TAFA1: variants seen among roughly 807,000 people sequenced by gnomAD.
TAFA1 encodes chemokine-like protein TAFA-1.
Under a neutral mutation model 18.5 loss-of-function variants are expected in TAFA1, and 4 were observed. That is an observed-to-expected ratio of 0.22 (90% confidence interval 0.11 to 0.49). TAFA1 has a LOEUF of 0.49. Ranked by LOEUF, TAFA1 falls within the 20% of genes least tolerant of loss-of-function variation. The pLI is 0.98. For missense variants in TAFA1, 147 were observed against 169.0 expected (o/e 0.87, Z 0.72); for synonymous variants, 56 against 55.2 (o/e 1.01, Z -0.06).
chr3:68,396,257 G>A (rs751052465), intron 2 of TAFA1, among the ~76,000 whole-genome samples: 6 of 152,026 alleles, frequency 3.9e-5, no homozygotes, highest in Non-Finnish European at 7.4e-5. Context: ...GATATAAACA[G>A]ACAAGTCATG....
chr3:68,135,342 A>C (rs1188550782), intron 2 of TAFA1, among the ~76,000 whole-genome samples: 1 of 152,164 alleles, frequency 6.6e-6, no homozygotes, highest in East Asian at 1.9e-4. Context: ...AAAGCCTATA[A>C]TTTCTTCTTT....
chr3:68,119,140 A>G (rs1280949137), intron 2 of TAFA1, among the ~76,000 whole-genome samples: 1 of 151,926 alleles, frequency 6.6e-6, no homozygotes, highest in East Asian at 1.9e-4. Flanking sequence ...AACATTGAGC[A>G]TCTTTTCATG....
intron 2 of TAFA1, among the ~76,000 whole-genome samples, chr3:68,267,544 T>C (rs1332141612): frequency 6.6e-6 from 1 of 152,236 alleles, no homozygotes; most frequent in Non-Finnish European, 1.5e-5. Flanking sequence ...TTTTGATTGG[T>C]GCCCTGATTC....
At chr3:68,497,002 G>A (rs1375193480) in intron 3 of TAFA1, among the ~76,000 whole-genome samples, 1 of 152,066 alleles carries the variant, frequency 6.6e-6, no homozygotes, top group East Asian at 1.9e-4. Context: ...CCTTTGAACT[G>A]CCTTCATGAA....
chr3:68,210,810 A>C (rs1410031262), intron 2 of TAFA1, among the ~76,000 whole-genome samples: 2 of 152,024 alleles, frequency 1.3e-5, no homozygotes, highest in Non-Finnish European at 2.9e-5. Flanking sequence ...TGAGCAGCTA[A>C]AACAAGATTG....
intron 3 of TAFA1, among the ~76,000 whole-genome samples, chr3:68,511,210 G>T (rs748181793): frequency 3.3e-5 from 5 of 152,128 alleles, no homozygotes; most frequent in African/African-American, 1.2e-4. Context: ...CAAACATATA[G>T]TATAAATATC....
chr3:68,385,999 A>G (rs1353635683), intron 2 of TAFA1, among the ~76,000 whole-genome samples: 2 of 152,070 alleles, frequency 1.3e-5, no homozygotes, highest in Non-Finnish European at 2.9e-5. Context: ...TGGCCATCCT[A>G]CAGTGCTAAA....
chr3:68,124,104 G>GT (rs2065436096), intron 2 of TAFA1, among the ~76,000 whole-genome samples: 1 of 152,088 alleles, frequency 6.6e-6, no homozygotes, highest in Non-Finnish European at 1.5e-5. Flanking sequence ...CATGTATAGA[G>GT]AGTTTGAGGG....
intron 2 of TAFA1, among the ~76,000 whole-genome samples, chr3:68,331,737 A>T (rs979162016): frequency 6.6e-6 from 1 of 152,126 alleles, no homozygotes; most frequent in Non-Finnish European, 1.5e-5. Flanking sequence ...TGTAAAACAG[A>T]TACACAGACC....
At chr3:68,256,803 T>C (rs943246267) in intron 2 of TAFA1, among the ~76,000 whole-genome samples, 2 of 152,070 alleles carry the variant, frequency 1.3e-5, no homozygotes, top group African/African-American at 4.8e-5. Context: ...TATCAAGTGA[T>C]TGCATCTGCT....
At chr3:68,180,385 A>G (rs938229770) in intron 2 of TAFA1, among the ~76,000 whole-genome samples, 13 of 152,018 alleles carry the variant, frequency 8.6e-5, no homozygotes, top group African/African-American at 2.4e-4. Context: ...GGGTTTTCAG[A>G]TTGTGAGCTG....
intron 2 of TAFA1, among the ~76,000 whole-genome samples, chr3:68,205,427 C>T (rs1455262610): frequency 6.6e-6 from 1 of 151,816 alleles, no homozygotes; most frequent in Non-Finnish European, 1.5e-5. Context: ...GAACATAGGG[C>T]CAGGTGTCCA....
intron 2 of TAFA1, among the ~76,000 whole-genome samples, chr3:68,291,274 C>G (rs915560380): frequency 3.3e-5 from 5 of 152,216 alleles, no homozygotes; most frequent in Non-Finnish European, 7.4e-5. Context: ...AAGATGTTGT[C>G]TAGGCCCAAA....
chr3:68,143,389 G>A (rs568682435), intron 2 of TAFA1, among the ~76,000 whole-genome samples: 52 of 152,270 alleles, frequency 3.4e-4, no homozygotes, highest in African/African-American at 1.2e-3. Context: ...TTACAGGATA[G>A]GCCCTTGTAT....
At chr3:68,423,866 A>G (rs1323627372) in intron 3 of TAFA1, among the ~76,000 whole-genome samples, 1 of 151,852 alleles carries the variant, frequency 6.6e-6, no homozygotes, top group African/African-American at 2.4e-5. Context: ...AATTAAGAAA[A>G]AAATCTCTAT....
chr3:68,285,445 A>AACATATATAT (rs2067980859), intron 2 of TAFA1, among the ~76,000 whole-genome samples: 1 of 151,428 alleles, frequency 6.6e-6, no homozygotes, highest in South Asian at 2.1e-4. Flanking sequence ...AATTTCAAAA[A>AACATATATAT]ACATATATAT....
intron 2 of TAFA1, among the ~76,000 whole-genome samples, chr3:68,242,286 A>G (rs1485495178): frequency 1.3e-5 from 2 of 152,148 alleles, no homozygotes; most frequent in African/African-American, 4.8e-5. Context: ...AGTCTATTAC[A>G]TACACCAGAA....
chr3:68,130,090 T>C (rs996032728), intron 2 of TAFA1, among the ~76,000 whole-genome samples: 1 of 152,152 alleles, frequency 6.6e-6, no homozygotes. Context: ...ATTAATTAAC[T>C]TCTCATGACA....
At chr3:68,391,767 A>C (rs570005271) in intron 2 of TAFA1, among the ~76,000 whole-genome samples, 1 of 152,322 alleles carries the variant, frequency 6.6e-6, no homozygotes, top group South Asian at 2.1e-4. Flanking sequence ...ACTAAGCTTT[A>C]TAAGTGAAGG....
Sources: allele counts gnomAD v4.1 joint callset (sites outside exome capture counted in the v4.1 genomes callset), GRCh38; gene constraint gnomAD v4.1.1; transcripts MANE v1.5; gene names NCBI Gene and HGNC (gene_info 2026-07-23, HGNC 2026-07-21).